SKAP1: variants seen among roughly 807,000 people sequenced by gnomAD.
SKAP1 encodes src kinase-associated phosphoprotein 1.
SKAP1 carries 44 observed loss-of-function variants against 58.5 expected under a neutral mutation model. The observed-to-expected ratio is 0.75, with a 90% CI of 0.59 to 0.97. SKAP1 has a LOEUF of 0.97. Ranked by LOEUF, SKAP1 falls within the 50% of genes least tolerant of loss-of-function variation. SKAP1 has a pLI of 0.00. For synonymous variants in SKAP1, 127 were observed against 149.7 expected (o/e 0.85, Z 1.11); for missense variants, 390 against 435.2 (o/e 0.90, Z 0.92).
intron 11 of SKAP1, among the ~76,000 whole-genome samples, chr17:48,147,414 C>G (rs2063845236): frequency 6.6e-6 from 1 of 152,128 alleles, no homozygotes; most frequent in South Asian, 2.1e-4. Context: ...CTGGATTTCC[C>G]CACAAATTCT....
chr17:48,397,073 G>A, intron 1 of SKAP1: 1 of 416,684 alleles, frequency 2.4e-6, no homozygotes, highest in Non-Finnish European at 3.2e-6. Flanking sequence ...ATATATACCT[G>A]TAGGTAACAT....
chr17:48,213,281 C>A (rs891257655), intron 4 of SKAP1, among the ~76,000 whole-genome samples: 1 of 140,932 alleles, frequency 7.1e-6, no homozygotes, highest in South Asian at 2.3e-4. Flanking sequence ...TTGAACACCA[C>A]GGAGGTTGCA....
chr17:48,382,296 T>C (rs973576799), intron 2 of SKAP1: 2 of 152,152 alleles, frequency 1.3e-5, no homozygotes. Flanking sequence ...TGTATACATA[T>C]GTAACAAACC....
upstream of SKAP1, among the ~76,000 whole-genome samples, chr17:48,432,354 G>A (rs1028508266): frequency 1.6e-4 from 25 of 152,030 alleles, no homozygotes; most frequent in Middle Eastern, 3.4e-3. Flanking sequence ...ACATGAACCC[G>A]GGGGGCGGAG....
intron 4 of SKAP1, among the ~76,000 whole-genome samples, chr17:48,200,118 T>C (rs187507935): frequency 7.3e-5 from 11 of 151,502 alleles, no homozygotes; most frequent in African/African-American, 2.7e-4. Flanking sequence ...TGAAACTCTG[T>C]CTCTACTAAA....
intron 9 of SKAP1, among the ~76,000 whole-genome samples, chr17:48,178,964 C>A (rs1484773394): frequency 1.3e-5 from 2 of 152,138 alleles, no homozygotes; most frequent in Admixed American, 1.3e-4. Flanking sequence ...TGCCACTTGA[C>A]TCAGGAAGCA....
At chr17:48,261,270 A>G (rs1471149511) in intron 4 of SKAP1, among the ~76,000 whole-genome samples, 2 of 152,128 alleles carry the variant, frequency 1.3e-5, no homozygotes, top group African/African-American at 4.8e-5. Context: ...GTGGACAGTA[A>G]AGAATCTATG....
chr17:48,245,241 C>A (rs1398822092), intron 4 of SKAP1, among the ~76,000 whole-genome samples: 1 of 152,162 alleles, frequency 6.6e-6, no homozygotes, highest in Non-Finnish European at 1.5e-5. Flanking sequence ...TATAAGATTA[C>A]AACCAAAAAT....
chr17:48,177,933 G>A (rs1397415130), intron 9 of SKAP1, among the ~76,000 whole-genome samples: 1 of 152,128 alleles, frequency 6.6e-6, no homozygotes, highest in East Asian at 1.9e-4. Flanking sequence ...ATTTCCTACT[G>A]TGTGGCCTTC....
intron 3 of SKAP1, among the ~76,000 whole-genome samples, chr17:48,352,861 T>C (rs1047348925): frequency 2.0e-5 from 3 of 152,190 alleles, no homozygotes; most frequent in Non-Finnish European, 4.4e-5. Flanking sequence ...CTTGTTCTAA[T>C]CCACTGAACT....
intron 4 of SKAP1, among the ~76,000 whole-genome samples, chr17:48,210,169 C>A (rs369290597): frequency 6.6e-6 from 1 of 152,102 alleles, no homozygotes; most frequent in Non-Finnish European, 1.5e-5. Context: ...CAGGTAGCGA[C>A]GCTTATCCAT....
chr17:48,331,926 TTTAA>T (rs2066512139), intron 4 of SKAP1, among the ~76,000 whole-genome samples: 1 of 152,138 alleles, frequency 6.6e-6, no homozygotes, highest in African/African-American at 2.4e-5. Context: ...AATTATAAAC[TTTAA>T]TTGTGAATTT....
intron 1 of SKAP1, among the ~76,000 whole-genome samples, chr17:48,422,258 G>A (rs945070819): frequency 1.3e-5 from 2 of 152,010 alleles, no homozygotes; most frequent in African/African-American, 4.8e-5. Flanking sequence ...TAAAAACAGG[G>A]ATGGGCCACC....
intron 10 of SKAP1, among the ~76,000 whole-genome samples, chr17:48,165,695 C>T (rs752265100): frequency 2.6e-5 from 4 of 152,112 alleles, no homozygotes; most frequent in Non-Finnish European, 5.9e-5. Flanking sequence ...CCACTGTGCC[C>T]GGCCGACTTT....
At chr17:48,177,964 G>A (rs778069258) in intron 9 of SKAP1, among the ~76,000 whole-genome samples, 2 of 152,130 alleles carry the variant, frequency 1.3e-5, no homozygotes, top group African/African-American at 2.4e-5. Context: ...ATGGGCAGCT[G>A]TTGTGGATAG....
intron 11 of SKAP1, among the ~76,000 whole-genome samples, chr17:48,158,575 A>AAAAAAAAG (rs2064021732): frequency 6.7e-6 from 1 of 149,204 alleles, no homozygotes; most frequent in South Asian, 2.1e-4. Context: ...CTCAAAAAAA[A>AAAAAAAAG]AAAAAAAAAG....
intron 11 of SKAP1, among the ~76,000 whole-genome samples, chr17:48,149,699 ACTG>A (rs1302093407): frequency 1.3e-5 from 2 of 152,190 alleles, no homozygotes; most frequent in African/African-American, 4.8e-5. Context: ...TGATCTGTTT[ACTG>A]CTGTTTATGC....
intron 4 of SKAP1, among the ~76,000 whole-genome samples, chr17:48,340,241 G>A (rs1298981228): frequency 6.6e-6 from 1 of 151,984 alleles, no homozygotes; most frequent in Admixed American, 6.6e-5. Flanking sequence ...ATTTAGAGGC[G>A]AAACTAACTT....
intron 4 of SKAP1, among the ~76,000 whole-genome samples, chr17:48,240,980 T>A (rs972867558): frequency 3.3e-5 from 5 of 152,196 alleles, no homozygotes; most frequent in Non-Finnish European, 5.9e-5. Flanking sequence ...AAATTCTTCA[T>A]CTTCAAAGAC....
Sources: gnomAD v4.1 joint callset for allele counts (sites outside exome capture counted in the v4.1 genomes callset) on GRCh38, gnomAD v4.1.1 for gene constraint, MANE v1.5 for transcripts, NCBI Gene and HGNC (gene_info 2026-07-23, HGNC 2026-07-21) for gene names.